The following CCDC144A variants were observed in gnomAD, a reference collection of about 807,000 sequenced individuals.
CCDC144A encodes the protein coiled-coil domain containing 144A, also known as coiled-coil domain-containing protein 144A.
CCDC144A carries 41 observed loss-of-function variants against 143.8 expected under a neutral mutation model. That is an observed-to-expected ratio of 0.29 (90% CI 0.22 to 0.37). The LOEUF is 0.37. Ranked by LOEUF, CCDC144A falls within the 10% of genes least tolerant of loss-of-function variation. The pLI, the probability that CCDC144A is intolerant of heterozygous loss-of-function variation, is 1.00. For missense variants in CCDC144A, 637 were observed against 1,488.8 expected (o/e 0.43, Z 9.41); for synonymous variants, 242 against 517.9 (o/e 0.47, Z 7.23).
chr17:16,709,870 GA>G (rs1171299637), intron 5 of CCDC144A, among the ~76,000 whole-genome samples: 1 of 152,198 alleles, frequency 6.6e-6, no homozygotes, highest in Non-Finnish European at 1.5e-5. Flanking sequence ...TATGGATTGT[GA>G]AACTCATTTA....
At chr17:16,702,451 G>A (rs993162411) in intron 2 of CCDC144A, among the ~76,000 whole-genome samples, 2 of 152,236 alleles carry the variant, frequency 1.3e-5, no homozygotes, top group Non-Finnish European at 2.9e-5. Flanking sequence ...ATTAGTGAGA[G>A]TGAGTACACT....
chr17:16,696,644 AAAAAG>A lies in CCDC144A; in HGVS notation c.415+3610_415+3614del, dbSNP rs1247082438. 7.3e-3 allele frequency among the ~76,000 whole-genome samples: 1,113 copies of A among 151,512 alleles called. 8 individuals are homozygous for A. The highest frequency in any genetic ancestry group is 0.026 in the African/African-American group (1,057 of 41,106). ...GCAAGACTCTGTCTCAAAAAAAAAA[AAAAAG>A]AAAAGAAAAGAAAAAAGAAAGAAAT... On this transcript the variant is annotated intron_variant, in intron 2 of 16. Coordinates refer to ENST00000399273, the MANE Select transcript of CCDC144A (RefSeq NM_001382000.1).
chr17:16,704,987 G>A (rs1268035195), intron 2 of CCDC144A, among the ~76,000 whole-genome samples, 164 bp from the exon 3 acceptor site: 2 of 152,170 alleles, frequency 1.3e-5, no homozygotes, highest in Non-Finnish European at 2.9e-5. Context: ...TGAATGAATT[G>A]TAAGCATAGG....
intron 13 of CCDC144A, among the ~76,000 whole-genome samples, chr17:16,761,999 G>C (rs1010432415): frequency 6.6e-6 from 1 of 152,226 alleles, no homozygotes; most frequent in Non-Finnish European, 1.5e-5. Flanking sequence ...AAAAAATTGT[G>C]ATTTAGAAAT....
chr17:16,760,053 C>T (rs1342037452), intron 12 of CCDC144A, among the ~76,000 whole-genome samples: 2 of 152,244 alleles, frequency 1.3e-5, no homozygotes, highest in African/African-American at 2.4e-5. Context: ...CACCTACCTA[C>T]ATGAGGGTTC....
At chr17:16,669,788 T>C in the CCDC144A span, among the ~76,000 whole-genome samples, 1 of 152,222 alleles carries the variant, frequency 6.6e-6, no homozygotes, top group East Asian at 1.9e-4. Flanking sequence ...CCATTCTTCT[T>C]AATGTCAAAG....
chr17:16,678,486 C>T, the CCDC144A span, among the ~76,000 whole-genome samples: 1 of 152,002 alleles, frequency 6.6e-6, no homozygotes, highest in Non-Finnish European at 1.5e-5. Context: ...AAACCCGAAG[C>T]CCCACCAAAT....
In CCDC144A at chr17:16,692,526, C is replaced by G. The variant is rs1027004942; in HGVS notation, c.345-453C>G. Among the ~76,000 whole-genome samples, 253 of 121,120 alleles carry G rather than the reference C, an allele frequency of 2.1e-3. 1 individual carries two copies. The highest frequency in any genetic ancestry group is 8.0e-3 in the African/African-American group (247 of 31,038). The allele number at this position is 121,120 out of a possible 152,430, so 79.5% of individuals were successfully genotyped here. On this transcript the variant is annotated intron_variant, in intron 1 of 16. Coordinates refer to ENST00000399273, the MANE Select transcript of CCDC144A (RefSeq NM_001382000.1). ...TGGGTTTTATTTGTGATTCCAAAAC[C>G]ATTTCCTCAATAAAGCTCAAGAACA...
chr17:16,734,243 GC>G (rs1239482627), intron 11 of CCDC144A, among the ~76,000 whole-genome samples: 5 of 151,176 alleles, frequency 3.3e-5, no homozygotes, highest in Non-Finnish European at 7.4e-5. Context: ...AAAATAAATA[GC>G]TATAGAATAT....
chr17:16,722,715 C>CT (rs1913163492), intron 8 of CCDC144A, among the ~76,000 whole-genome samples: 4 of 152,144 alleles, frequency 2.6e-5, no homozygotes, highest in African/African-American at 4.8e-5. Context: ...CAACCACTGA[C>CT]TTTTTTTACT....
intron 12 of CCDC144A, among the ~76,000 whole-genome samples, chr17:16,751,186 A>G (rs939906364): frequency 6.6e-6 from 1 of 151,738 alleles, no homozygotes; most frequent in Non-Finnish European, 1.5e-5. Context: ...AATTCCTGTC[A>G]TTTGGATGGG....
At chr17:16,755,695 G>A (rs1915046466) in intron 12 of CCDC144A, among the ~76,000 whole-genome samples, 1 of 152,196 alleles carries the variant, frequency 6.6e-6, no homozygotes, top group Non-Finnish European at 1.5e-5. Context: ...GAGTAGCTGG[G>A]ACCACAGGCA....
chr17:16,703,757 C>T (rs1381728275), intron 2 of CCDC144A, among the ~76,000 whole-genome samples: 6 of 151,974 alleles, frequency 3.9e-5, no homozygotes, highest in African/African-American at 1.5e-4. Flanking sequence ...GAGCCGAGAT[C>T]GCGCCACTGC....
chr17:16,674,802 T>C, the CCDC144A span, among the ~76,000 whole-genome samples: 1 of 152,064 alleles, frequency 6.6e-6, no homozygotes, highest in South Asian at 2.1e-4. Context: ...GTAGGATGTG[T>C]TATACTTGAA....
chr17:16,743,498 A>C (rs1474711982), intron 12 of CCDC144A, among the ~76,000 whole-genome samples: 1 of 151,670 alleles, frequency 6.6e-6, no homozygotes, highest in Non-Finnish European at 1.5e-5. Flanking sequence ...TAACCTTGTA[A>C]TATATTTTGA....
At chr17:16,688,221 G>A (rs1225516054), upstream of CCDC144A, among the ~76,000 whole-genome samples, 1 of 151,816 alleles carries the variant, frequency 6.6e-6, no homozygotes. Context: ...CTGCTCTTGC[G>A]GGTGGTGCTG....
chr17:16,689,066 A>G (rs1247630526), upstream of CCDC144A, among the ~76,000 whole-genome samples: 3 of 152,122 alleles, frequency 2.0e-5, no homozygotes, highest in South Asian at 4.1e-4. Flanking sequence ...TCATAATGCT[A>G]TCTGTCTTAA....
intron 12 of CCDC144A, among the ~76,000 whole-genome samples, chr17:16,743,372 A>G (rs1914344513): frequency 6.6e-6 from 1 of 151,794 alleles, no homozygotes; most frequent in African/African-American, 2.4e-5. Flanking sequence ...TGTTTTTGAT[A>G]CTTTTGTTGA....
At chr17:16,772,183 G>T (rs1437523340) in intron 16 of CCDC144A, among the ~76,000 whole-genome samples, 164 bp downstream of exon 16, 2 of 151,812 alleles carry the variant, frequency 1.3e-5, no homozygotes, top group Non-Finnish European at 2.9e-5. Context: ...GTATAATGAA[G>T]AGCATACTTA....
Sources: allele counts gnomAD v4.1 joint callset (sites outside exome capture counted in the v4.1 genomes callset), GRCh38; gene constraint gnomAD v4.1.1; transcripts MANE v1.5; gene names NCBI Gene and HGNC (gene_info 2026-07-23, HGNC 2026-07-21).